Variants in RANBP3 observed in about 807,000 individuals in gnomAD.
RANBP3 encodes RAN binding protein 3.
A neutral mutation model predicts 77.3 loss-of-function variants in RANBP3; 14 were observed. The observed-to-expected ratio is 0.18, with a 90% confidence interval of 0.12 to 0.28. The LOEUF is 0.28. Among genes scored for constraint, RANBP3 ranks in the 10% least tolerant of loss-of-function variants. The probability of loss-of-function intolerance (pLI) is 1.00; values close to 1 mark genes in which losing one functional copy is unlikely to be tolerated. For missense variants in RANBP3, 586 were observed against 752.3 expected (o/e 0.78, Z 2.59); for synonymous variants, 315 against 312.4 (o/e 1.01, Z -0.09).
intron 2 of RANBP3, among the ~76,000 whole-genome samples, chr19:5,956,138 C>T (rs2058332543): frequency 6.6e-6 from 1 of 152,038 alleles, no homozygotes; most frequent in African/African-American, 2.4e-5. Context: ...AATAAAACAA[C>T]AGCAAAAAAC....
At chr19:5,945,027 T>G (rs2058186542) in intron 3 of RANBP3, among the ~76,000 whole-genome samples, 2 of 152,156 alleles carry the variant, frequency 1.3e-5, no homozygotes, top group Non-Finnish European at 2.9e-5. Flanking sequence ...CAAGCGAGAA[T>G]GAACCCCTTG....
At position 5,952,709 on chromosome 19, in the gene RANBP3, G is replaced by A. The variant is rs968160857; in HGVS notation, c.79-1113C>T. ...GGCACTACTTAAAAAGCAGTGATCC[G>A]GGAGGAGGAAAGGAGCTACAGAAAG... is the stretch of plus-strand genomic sequence containing the variant. On this transcript the variant is annotated intron_variant, in intron 2 of 16. Coordinates refer to ENST00000340578, the MANE Select transcript of RANBP3 (RefSeq NM_007322.3). The surrounding 1 kb of genome is among the most constrained non-coding windows in gnomAD (Gnocchi z 4.1). Among the ~76,000 whole-genome samples, 2 of 152,178 alleles carry A rather than the reference G, an allele frequency of 1.3e-5. No homozygotes were observed. The highest frequency in any genetic ancestry group is 6.5e-5 in the Admixed American group (1 of 15,284).
At chr19:5,956,916 C>T (rs1053166263) in intron 2 of RANBP3, among the ~76,000 whole-genome samples, 8 of 152,180 alleles carry the variant, frequency 5.3e-5, no homozygotes, top group Non-Finnish European at 7.3e-5. Context: ...TCAAAATGCA[C>T]CGAATTCAGC....
chr19:5,971,196 T>C (rs1250449215), intron 1 of RANBP3, among the ~76,000 whole-genome samples: 1 of 152,122 alleles, frequency 6.6e-6, no homozygotes, highest in East Asian at 1.9e-4. Flanking sequence ...AAGATTATAA[T>C]AAACTCCAGA....
chr19:5,978,112 C>T lies in RANBP3; in HGVS notation c.-30G>A, dbSNP rs767189096. 2 of 1,601,554 alleles carry T rather than the reference C, an allele frequency of 1.2e-6. No individual in the cohort carries two copies. The highest frequency in any genetic ancestry group is 2.3e-5 in the East Asian group (1 of 43,208). ...CTTCCTTAAGCCCTCCCACAAGGCC[C>T]CGCGCCGGCCCAGGCTCGCCTGCTT... On this transcript the variant is annotated 5_prime_UTR_variant, in exon 1 of 17. Coordinates refer to ENST00000340578, the MANE Select transcript of RANBP3 (RefSeq NM_007322.3).
intron 1 of RANBP3, chr19:5,962,550 G>A (rs188071886): frequency 2.5e-6 from 1 of 404,612 alleles, no homozygotes; most frequent in African/African-American, 2.0e-5. Context: ...GGGAGCCATG[G>A]TCAGGGCTCT....
chr19:5,943,523 T>C (rs1259897016), intron 3 of RANBP3, among the ~76,000 whole-genome samples: 1 of 152,228 alleles, frequency 6.6e-6, no homozygotes, highest in African/African-American at 2.4e-5. Context: ...GGCCCAGGCC[T>C]GGAGCTTGTG....
chr19:5,919,648 C>T (rs1486617176), intron 14 of RANBP3, among the ~76,000 whole-genome samples: 2 of 152,148 alleles, frequency 1.3e-5, no homozygotes, highest in African/African-American at 4.8e-5. Flanking sequence ...CCTGTAATTC[C>T]AGGACTTTGG....
intron 1 of RANBP3, among the ~76,000 whole-genome samples, chr19:5,972,321 G>A (rs570910384): frequency 1.3e-5 from 2 of 152,332 alleles, no homozygotes; most frequent in East Asian, 3.9e-4. Context: ...GTGCTGTGTG[G>A]CAGCTCTAAG....
chr19:5,932,824 A>T, intron 6 of RANBP3: 1 of 467,608 alleles, frequency 2.1e-6, no homozygotes. Context: ...TCAACAGTCA[A>T]GTGGAGACTG....
chr19:5,948,238 CAGG>C (rs1210142075), intron 3 of RANBP3, among the ~76,000 whole-genome samples: 1 of 152,176 alleles, frequency 6.6e-6, no homozygotes, highest in African/African-American at 2.4e-5. Flanking sequence ...ATCACAAGGT[CAGG>C]AGATTGAGAC....
intron 5 of RANBP3, among the ~76,000 whole-genome samples, chr19:5,936,191 G>A (rs942441757): frequency 6.6e-6 from 1 of 152,268 alleles, no homozygotes. Flanking sequence ...TCTGTGCGTG[G>A]ACGGCGCTGG....
chr19:5,928,009 G>C lies in RANBP3; in HGVS notation c.772C>G (p.Gln258Glu). Reference sequence around the variant, plus strand: ...AAGTTCTGCCCAAATACAAAGGCTTGCTGTGTGGCGGGGTCTTTTTTCTCA... The same window carrying C: ...AAGTTCTGCCCAAATACAAAGGCTTCCTGTGTGGCGGGGTCTTTTTTCTCA... The part of the protein sequence containing the change: ...ACEKKDPATQ[Q>E]AFVFGQNLRD... The change falls in exon 9 of 17, where the codon CAA (glutamine) becomes GAA (glutamate). Residue 258 changes from glutamine (Q) to glutamate (E), a missense_variant. Physicochemically the swap from Gln to Glu is conservative, Grantham distance 29. Coordinates refer to ENST00000340578, the MANE Select transcript of RANBP3 (RefSeq NM_007322.3). 6.2e-7 allele frequency: 1 copy of C among 1,613,808 alleles called. No homozygotes were observed. The highest frequency in any genetic ancestry group is 8.5e-7 in the Non-Finnish European group (1 of 1,179,836).
chr19:5,952,186 C>T lies in RANBP3; in HGVS notation c.79-590G>A, dbSNP rs926373618. Among the ~76,000 whole-genome samples the T allele has an allele frequency of 1.3e-5, 2 of 152,186 alleles. No individual in the cohort carries two copies. Among genetic ancestry groups the T allele is most frequent in the African/African-American group, 2.4e-5 (1 of 41,444 alleles). On this transcript the variant is annotated intron_variant, in intron 2 of 16. Coordinates refer to ENST00000340578, the MANE Select transcript of RANBP3 (RefSeq NM_007322.3). This position sits in a 1 kb window ranked among gnomAD's most constrained non-coding sequence, Gnocchi z 4.1. ...GGATCCAGAAAGTGCTTTCCCACCT[C>T]GGTGAGTGCAAGTGTGGGGTGACAT...
intron 1 of RANBP3, among the ~76,000 whole-genome samples, chr19:5,969,635 G>A (rs1292088828): frequency 1.3e-5 from 2 of 152,216 alleles, no homozygotes; most frequent in Non-Finnish European, 2.9e-5. Flanking sequence ...CTGACTCACC[G>A]GGAAGGACAA....
At chr19:5,961,304 G>C (rs1018998252) in intron 1 of RANBP3, among the ~76,000 whole-genome samples, 42 of 152,244 alleles carry the variant, frequency 2.8e-4, no homozygotes, top group Admixed American at 2.2e-3. Flanking sequence ...TTAGCCGGGC[G>C]TGGTGGCAGG....
At chr19:5,949,997 AG>A (rs2058255031) in intron 3 of RANBP3, among the ~76,000 whole-genome samples, 2 of 152,278 alleles carry the variant, frequency 1.3e-5, no homozygotes, top group South Asian at 4.1e-4. Context: ...CACCTGCAGA[AG>A]GCCTCTGGGG....
At chr19:5,927,757 C>G (rs1259725173) in intron 9 of RANBP3, among the ~76,000 whole-genome samples, 2 of 152,182 alleles carry the variant, frequency 1.3e-5, no homozygotes, top group African/African-American at 4.8e-5. Context: ...CAGGTGAGGG[C>G]TCCGAAGCCT....
chr19:5,925,676 G>T lies in RANBP3; in HGVS notation c.875C>A (p.Thr292Lys). ...GAGGAAATAGTTCGTTGCGGTTGGCGTGTCTGCGCTGGGGTGTCCAGCATT... is the reference window on the plus strand; with the variant it reads ...GAGGAAATAGTTCGTTGCGGTTGGCTTGTCTGCGCTGGGGTGTCCAGCATT... ...MENAGHPSAD[T>K]PTATNYFLQY... The change falls in exon 10 of 17, where the codon ACG (threonine) becomes AAG (lysine). Residue 292 changes from threonine to lysine, a missense_variant. By Grantham distance (78) the Thr-to-Lys change is moderately conservative. Around this residue, in one of 5 missense-constraint regions of RANBP3, gnomAD observed 232 missense variants for 271.7 expected, o/e 0.85. Coordinates refer to ENST00000340578, the MANE Select transcript of RANBP3 (RefSeq NM_007322.3). The T allele has an allele frequency of 1.2e-6, 2 of 1,613,970 alleles. No homozygotes were observed. Among genetic ancestry groups the T allele is most frequent in the Non-Finnish European group, 1.7e-6 (2 of 1,179,986 alleles).
Sources: gnomAD v4.1 joint callset for allele counts (sites outside exome capture counted in the v4.1 genomes callset) on GRCh38, gnomAD v4.1.1 for gene constraint, gnomAD v4.1.1 regional missense constraint, Gnocchi (gnomAD v3.1) non-coding constraint, MANE v1.5 for transcripts, NCBI Gene and HGNC (gene_info 2026-07-23, HGNC 2026-07-21) for gene names.